The following PARP15 variants were observed in gnomAD, a reference collection of about 807,000 sequenced individuals.
PARP15 encodes the protein protein mono-ADP-ribosyltransferase PARP15.
Under a neutral mutation model 62.1 loss-of-function variants are expected in PARP15, and 50 were observed. The observed-to-expected ratio is 0.81, with a 90% confidence interval of 0.64 to 1.02. The LOEUF is 1.02. Among genes scored for constraint, PARP15 ranks in the 50% least tolerant of loss-of-function variants. The pLI is 0.00. For missense variants in PARP15, 820 were observed against 826.5 expected (o/e 0.99, Z 0.10); for synonymous variants, 309 against 293.1 (o/e 1.05, Z -0.55).
intron 1 of PARP15, among the ~76,000 whole-genome samples, chr3:122,597,683 T>G (rs566892535): frequency 6.6e-6 from 1 of 152,356 alleles, no homozygotes; most frequent in East Asian, 1.9e-4. Context: ...AATATGTGCA[T>G]TCGCTGCTAA....
intron 9 of PARP15, among the ~76,000 whole-genome samples, chr3:122,630,538 G>T (rs544678439): frequency 6.6e-6 from 1 of 152,148 alleles, no homozygotes; most frequent in African/African-American, 2.4e-5. Context: ...AAATAGCGAG[G>T]CATAGTGGCA....
chr3:122,635,846 G>A lies in PARP15; in HGVS notation c.1783G>A (p.Asp595Asn). ...SYGKGTYFAVDASYSAKDTYS... is the reference protein window; with the variant it reads ...SYGKGTYFAVNASYSAKDTYS... ...TGGAAAAGGAACCTATTTTGCTGTG[G>A]ATGCCAGTTATTCTGCCAAGGACAC... Residue 595 changes from aspartate (D) to asparagine (N), a missense_variant, in exon 12 of 12, where the codon GAT (aspartate) becomes AAT (asparagine). Transcript: ENST00000464300. The A allele has an allele frequency of 6.2e-7, 1 of 1,613,850 alleles. No individual in the cohort carries two copies. The highest frequency in any genetic ancestry group is 8.5e-7 in the Non-Finnish European group (1 of 1,179,908).
chr3:122,631,048 A>C (rs1400784478), intron 9 of PARP15, among the ~76,000 whole-genome samples: 2 of 152,176 alleles, frequency 1.3e-5, no homozygotes, highest in East Asian at 1.9e-4. Context: ...GAAGGCCCCC[A>C]AAAAACCTTC....
chr3:122,635,050 C>A lies in PARP15; in HGVS notation c.1603C>A (p.Gln535Lys). 1.2e-6 allele frequency: 2 copies of A among 1,613,930 alleles called. No homozygotes were observed. Among genetic ancestry groups the A allele is most frequent in the South Asian group, 2.2e-5 (2 of 91,052 alleles). ...IERIQNAFLW[Q>K]SYQVKKRQMD... ...GAGGATACAGAATGCATTTCTCTGG[C>A]AGAGCTACCAGGTAAAGAAAAGGCA... The change falls in exon 11 of 12, where the codon CAG becomes AAG. Residue 535 changes from glutamine to lysine, a missense_variant. By Grantham distance (53) the Gln-to-Lys change is moderately conservative. Transcript: ENST00000464300.
rs557652772 is a variant in PARP15 at position 122,610,529 on chromosome 3, T to G, written c.342T>G (p.Leu114=). 5.2e-6 allele frequency: 8 copies of G among 1,551,702 alleles called. No homozygotes were observed. Among genetic ancestry groups the G allele is most frequent in the South Asian group, 1.2e-5 (1 of 84,056 alleles). Residue 114 remains leucine, a synonymous_variant, in exon 3 of 12, where the codon CTT becomes CTG. Transcript: ENST00000464300. ...TTGTCAACAGCGTTCCCATGAATCT[T>G]CAGCTTGGAGGAGGACCACTATCTC... ...DVIVNSVPMN[L]QLGGGPLSRA...
chr3:122,580,501 C>T (rs1165439824), intron 1 of PARP15, among the ~76,000 whole-genome samples: 1 of 151,904 alleles, frequency 6.6e-6, no homozygotes, highest in Non-Finnish European at 1.5e-5. Context: ...TCAGATTTAC[C>T]GTCTTAACCA....
In PARP15 at chr3:122,638,771, G is replaced by A. The variant is rs1937485080; in HGVS notation, c.*2671G>A. 1.3e-5 allele frequency: 2 copies of A among 152,004 alleles called. No homozygotes were observed. The allele number at this position is 152,004 out of a possible 1,614,324, so 9.4% of individuals were successfully genotyped here. On this transcript the variant is annotated 3_prime_UTR_variant, in exon 12 of 12. Transcript: ENST00000464300. The stretch of plus-strand genomic sequence containing the variant: ...AGGTTGCCTGTTCACTCTGATGGTA[G>A]TTTCTTTTGTTGTACAGAAGCTCTT...
chr3:122,619,652 G>T (rs1936210212), intron 6 of PARP15, 129 bp from the exon 7 acceptor site: 1 of 739,000 alleles, frequency 1.4e-6, no homozygotes, highest in Non-Finnish European at 2.4e-6. Flanking sequence ...AAGAGCAGTT[G>T]GTCGGGCGTG....
intron 1 of PARP15, among the ~76,000 whole-genome samples, chr3:122,580,560 T>C (rs1167512809): frequency 2.0e-5 from 3 of 152,342 alleles, no homozygotes; most frequent in Middle Eastern, 3.4e-3. Flanking sequence ...CATTGTTGCA[T>C]AGGCAATCTT....
chr3:122,585,103 C>T (rs1170758923), intron 1 of PARP15, among the ~76,000 whole-genome samples: 1 of 152,140 alleles, frequency 6.6e-6, no homozygotes, highest in Non-Finnish European at 1.5e-5. Flanking sequence ...GCCCTTTTGT[C>T]ACCGAACTAA....
intron 9 of PARP15, 106 bp downstream of exon 9, chr3:122,627,139 G>A (rs2107590646): frequency 1.1e-6 from 1 of 951,290 alleles, no homozygotes; most frequent in East Asian, 2.6e-5. Flanking sequence ...TTCGTTTTAG[G>A]ACTTTTCAGA....
At chr3:122,592,996 T>G (rs1429636071) in intron 1 of PARP15, among the ~76,000 whole-genome samples, 3 of 152,196 alleles carry the variant, frequency 2.0e-5, no homozygotes, top group Non-Finnish European at 4.4e-5. Flanking sequence ...TCATTTTATC[T>G]TCTAGTCACC....
At chr3:122,620,339 T>C (rs955608994) in intron 7 of PARP15, among the ~76,000 whole-genome samples, 1 of 152,220 alleles carries the variant, frequency 6.6e-6, no homozygotes, top group African/African-American at 2.4e-5. Flanking sequence ...TCTAATCCTT[T>C]TATGAATGAG....
intron 2 of PARP15, among the ~76,000 whole-genome samples, chr3:122,610,167 T>C (rs1479283027): frequency 1.3e-5 from 2 of 152,242 alleles, no homozygotes; most frequent in Non-Finnish European, 2.9e-5. Context: ...TCATTTTTCT[T>C]CTTTCTCCAT....
At position 122,598,371 on chromosome 3, in the gene PARP15, C is replaced by T. The variant is rs147560621; in HGVS notation, c.187-7565C>T. On this transcript the variant is annotated intron_variant, in intron 1 of 11. Coordinates refer to ENST00000464300, the MANE Select transcript of PARP15 (RefSeq NM_001113523.3). ...GATTCTGGCTCAGTATCTATCATGA[C>T]GTGGTTATTCAGTTGTTGGTTGGGG... Among the ~76,000 whole-genome samples the T allele has an allele frequency of 2.0e-5, 3 of 152,218 alleles. No homozygotes were observed. In the East Asian group the frequency reaches 5.8e-4, roughly 29 times the overall value.
intron 1 of PARP15, chr3:122,594,579 T>TGGA: frequency 1.0e-6 from 1 of 973,668 alleles, no homozygotes; most frequent in Non-Finnish European, 1.2e-6. Flanking sequence ...GAAATTGATA[T>TGGA]AGGGTAGGGG....
chr3:122,617,155 C>G lies in PARP15; in HGVS notation c.991C>G (p.Arg331Gly), dbSNP rs764531530. The G allele has an allele frequency of 1.2e-6, 2 of 1,611,860 alleles. No homozygotes were observed. Among genetic ancestry groups the G allele is most frequent in the South Asian group, 2.2e-5 (2 of 90,858 alleles). The change falls in exon 6 of 12, where the codon CGG (arginine) becomes GGG (glycine). Residue 331 changes from arginine to glycine, a missense_variant. Arg to Gly is a moderately radical substitution (Grantham distance 125, BLOSUM62 -2). Transcript: ENST00000464300. ...IVNSTARTFN[R>G]KSGVSRAILE... ...AAACTCAACAGCAAGGACATTTAAT[C>G]GGAAATCAGGTACTTTATTTAAGCA...
At chr3:122,607,612 T>A (rs1038418365) in intron 2 of PARP15, among the ~76,000 whole-genome samples, 1 of 152,236 alleles carries the variant, frequency 6.6e-6, no homozygotes, top group Non-Finnish European at 1.5e-5. Flanking sequence ...TACAACCTAA[T>A]GAAGAAATAT....
Position 122,615,858 on chromosome 3 carries a change from G to A in PARP15, c.850+1G>A, listed in dbSNP as rs748578908. 6 of 1,609,118 alleles carry A rather than the reference G, an allele frequency of 3.7e-6. No individual in the cohort carries two copies. Among genetic ancestry groups the A allele is most frequent in the Non-Finnish European group, 4.3e-6 (5 of 1,176,286 alleles). Reference sequence around the variant, plus strand: ...ATTCCCATGGCAGGAGATACCCAAGGTCTGGTAAAGTCGTTCTGCTAAGGA... The same window carrying A: ...ATTCCCATGGCAGGAGATACCCAAGATCTGGTAAAGTCGTTCTGCTAAGGA... On this transcript the variant is annotated splice_donor_variant, in intron 5 of 11. Transcript: ENST00000464300. LOFTEE classifies it high-confidence loss of function.
Sources: allele counts gnomAD v4.1 joint callset (sites outside exome capture counted in the v4.1 genomes callset), GRCh38; gene constraint gnomAD v4.1.1; transcripts MANE v1.5; gene names NCBI Gene and HGNC (gene_info 2026-07-23, HGNC 2026-07-21).